SNTG1: variants seen among roughly 807,000 people sequenced by gnomAD.
SNTG1 encodes syntrophin gamma 1.
In SNTG1, 39 loss-of-function variants were observed where a neutral mutation model predicts 74.7. That is an observed-to-expected ratio of 0.52 (90% CI 0.40 to 0.68). The LOEUF is 0.68. Ranked by LOEUF, SNTG1 falls within the 30% of genes least tolerant of loss-of-function variation. SNTG1 has a pLI of 0.00. For missense variants in SNTG1, 685 were observed against 609.5 expected (o/e 1.12, Z -1.30); for synonymous variants, 254 against 217.1 (o/e 1.17, Z -1.49).
chr8:50,568,796 T>A (rs567976763), intron 12 of SNTG1: 1 of 152,348 alleles, frequency 6.6e-6, no homozygotes, highest in Non-Finnish European at 1.5e-5. Context: ...TTTTCTTTGC[T>A]GTGAGGAAGC....
chr8:49,988,973 C>T (rs1813429129), intron 1 of SNTG1, among the ~76,000 whole-genome samples: 1 of 151,804 alleles, frequency 6.6e-6, no homozygotes, highest in Admixed American at 6.6e-5. Flanking sequence ...ATGTTTCTAA[C>T]ACAAAAATGT....
intron 1 of SNTG1, among the ~76,000 whole-genome samples, chr8:50,014,033 A>C (rs1373670517): frequency 6.6e-6 from 1 of 152,104 alleles, no homozygotes; most frequent in Non-Finnish European, 1.5e-5. Context: ...TACTGAGGAG[A>C]ACCTATTCAA....
rs2093519730 is a variant in SNTG1 at position 50,457,741 on chromosome 8, C to T, written c.363+7012C>T. 2.0e-5 allele frequency among the ~76,000 whole-genome samples: 3 copies of T among 152,086 alleles called. No individual in the cohort carries two copies. The South Asian group carries it at 6.2e-4, about 32-fold the overall frequency. On this transcript the variant is annotated intron_variant, in intron 8 of 18. Transcript: ENST00000642720. ...AAACATCCCCACTGCAGGCCTCAGA[C>T]AGCAATCGCGAATGGGAGTGTTGAA...
intron 17 of SNTG1, among the ~76,000 whole-genome samples, chr8:50,716,707 AAAT>A (rs975045255): frequency 6.7e-6 from 1 of 149,028 alleles, no homozygotes; most frequent in African/African-American, 2.5e-5. Context: ...GTAATATGAA[AAAT>A]AAAATTCCCT....
intron 1 of SNTG1, among the ~76,000 whole-genome samples, chr8:50,090,902 A>G (rs1374189632): frequency 2.0e-5 from 3 of 152,132 alleles, no homozygotes; most frequent in Non-Finnish European, 4.4e-5. Context: ...TAAGGCCACA[A>G]TGGGGCCCTT....
intron 13 of SNTG1, among the ~76,000 whole-genome samples, chr8:50,631,133 A>C (rs912977554): frequency 6.6e-6 from 1 of 152,238 alleles, no homozygotes; most frequent in African/African-American, 2.4e-5. Flanking sequence ...CTAGAAAAAT[A>C]TCTCCAGATG....
At chr8:50,326,039 T>A (rs1183112755) in intron 2 of SNTG1, among the ~76,000 whole-genome samples, 1 of 152,082 alleles carries the variant, frequency 6.6e-6, no homozygotes, top group African/African-American at 2.4e-5. Context: ...ATAATTAATT[T>A]TAAAATGATG....
At position 50,063,703 on chromosome 8, in the gene SNTG1, C is replaced by CTT. The variant is rs888864091; in HGVS notation, c.-102-108848_-102-108847dup. Among the ~76,000 whole-genome samples the CTT allele has an allele frequency of 6.8e-5, 10 of 146,050 alleles. 1 individual carries two copies. The highest frequency in any genetic ancestry group is 2.3e-4 in the African/African-American group (9 of 39,928). On this transcript the variant is annotated intron_variant, in intron 1 of 18. Transcript: ENST00000642720. Reference sequence around the variant, plus strand: ...CACCCTTTTCTCCTGGAAACCATTGCTTTTTTTTTTTAAATATAAAATGAC... The same window carrying CTT: ...CACCCTTTTCTCCTGGAAACCATTGCTTTTTTTTTTTTTAAATATAAAATGAC...
At chr8:50,381,558 A>ATG (rs372674229) in intron 2 of SNTG1, among the ~76,000 whole-genome samples, 5,345 of 108,502 alleles carry the variant, frequency 0.049, 282 homozygotes, top group African/African-American at 0.11. Flanking sequence ...CTAATAGGAT[A>ATG]TGTGTGTGTG....
intron 15 of SNTG1, among the ~76,000 whole-genome samples, chr8:50,680,920 G>A (rs372818754): frequency 2.6e-5 from 4 of 152,062 alleles, no homozygotes; most frequent in South Asian, 2.1e-4. Context: ...GTGTTTATTC[G>A]CTACAGTAAT....
intron 10 of SNTG1, among the ~76,000 whole-genome samples, chr8:50,531,099 G>A (rs2094263379): frequency 6.6e-6 from 1 of 152,116 alleles, no homozygotes; most frequent in Non-Finnish European, 1.5e-5. Context: ...CAAAATAGTG[G>A]CATTTTACTT....
rs780289764 is a variant in SNTG1, at chr8:50,657,040, G to T, written c.966+15G>T. 1 of 1,456,242 alleles carries T rather than the reference G, an allele frequency of 6.9e-7. No homozygotes were observed. Among genetic ancestry groups the T allele is most frequent in the South Asian group, 1.4e-5 (1 of 71,050 alleles). The allele number at this position is 1,456,242 out of a possible 1,614,324, so 90.2% of individuals were successfully genotyped here. ...TGGCACCTCCAGTACGTGTTTTATT[G>T]AAATGTATTGGTCGTTTCCATATTA... On this transcript the variant is annotated intron_variant, in intron 14 of 18. Transcript: ENST00000642720.
chr8:50,326,781 T>C (rs999301317), intron 2 of SNTG1, among the ~76,000 whole-genome samples: 1 of 152,036 alleles, frequency 6.6e-6, no homozygotes, highest in African/African-American at 2.4e-5. Flanking sequence ...TGGATACTAA[T>C]ATTATTGATT....
intron 1 of SNTG1, among the ~76,000 whole-genome samples, chr8:50,139,796 C>A (rs2131457621): frequency 6.6e-6 from 1 of 152,310 alleles, no homozygotes; most frequent in African/African-American, 2.4e-5. Context: ...AGATACCTGG[C>A]AAGATTGCAA....
intron 8 of SNTG1, among the ~76,000 whole-genome samples, chr8:50,471,938 G>A (rs2093657263): frequency 6.6e-6 from 1 of 151,786 alleles, no homozygotes; most frequent in African/African-American, 2.4e-5. Context: ...AAACATTAAA[G>A]GAAATTTTAT....
chr8:50,256,110 T>C (rs1485769215), intron 2 of SNTG1, among the ~76,000 whole-genome samples: 1 of 152,170 alleles, frequency 6.6e-6, no homozygotes, highest in African/African-American at 2.4e-5. Flanking sequence ...ATGTATGTCA[T>C]TAGGATTTCT....
intron 13 of SNTG1, among the ~76,000 whole-genome samples, chr8:50,602,899 AT>A (rs60612544): frequency 0.049 from 5,558 of 112,540 alleles, 204 homozygotes; most frequent in African/African-American, 0.13. Context: ...ACTGTAAGGT[AT>A]TTTTTTTTTT....
intron 13 of SNTG1, among the ~76,000 whole-genome samples, chr8:50,643,490 G>A (rs1021919166): frequency 1.2e-4 from 19 of 152,182 alleles, no homozygotes; most frequent in African/African-American, 4.6e-4. Context: ...TTCTACAGCT[G>A]ATATAAAATG....
chr8:50,412,330 G>A (rs1481476), intron 4 of SNTG1, among the ~76,000 whole-genome samples: 140,756 of 152,176 alleles, frequency 0.92, 65,677 homozygotes, highest in Non-Finnish European at 1. Context: ...TTGTCTTTCT[G>A]TGGGGCACTA....
Sources: gnomAD v4.1 joint callset for allele counts (sites outside exome capture counted in the v4.1 genomes callset) on GRCh38, gnomAD v4.1.1 for gene constraint, MANE v1.5 for transcripts, NCBI Gene and HGNC (gene_info 2026-07-23, HGNC 2026-07-21) for gene names.